GPATCH8: variants seen among roughly 807,000 people sequenced by gnomAD.
GPATCH8 encodes the protein G-patch domain containing 8, also known as G patch domain-containing protein 8.
Under a neutral mutation model 118.3 loss-of-function variants are expected in GPATCH8, and 18 were observed. The observed-to-expected ratio is 0.15, with a 90% CI of 0.11 to 0.23. The LOEUF is 0.23. Ranked by LOEUF, GPATCH8 falls within the 10% of genes least tolerant of loss-of-function variation. The pLI, the probability that GPATCH8 is intolerant of heterozygous loss-of-function variation, is 1.00. For synonymous variants in GPATCH8, 659 were observed against 684.7 expected, an observed-to-expected ratio of 0.96 and a Z score of 0.59; for missense variants, 1,631 against 1,873.8, an observed-to-expected ratio of 0.87 and a Z score of 2.39.
At position 44,450,183 on chromosome 17, in the gene GPATCH8, G is replaced by A. The variant is rs1468295074; in HGVS notation, c.194-13638C>T. The stretch of plus-strand genomic sequence containing the variant: ...TGAGCTCACAAAGTAGTAACTTGCG[G>A]TTCAAATACAGCCTGGTATGTTTTG... On this transcript the variant is annotated intron_variant, in intron 3 of 7. Transcript: ENST00000591680. Among the ~76,000 whole-genome samples, 3 of 152,160 alleles carry A rather than the reference G, an allele frequency of 2.0e-5. No homozygotes were observed. The East Asian group carries it at 5.8e-4, about 29-fold the overall frequency.
rs141916928 is a variant in GPATCH8 at position 44,436,306 on chromosome 17, T to A, written c.261+172A>T. ...AGCAGCTCTGTTTATATTCTATTTG[T>A]CTCAAAAGTAGCACTAAATGAAAAT... On this transcript the variant is annotated intron_variant, in intron 4 of 7. Transcript: ENST00000591680. 1.3e-3 allele frequency among the ~76,000 whole-genome samples: 197 copies of A among 152,248 alleles called. 1 individual carries two copies. The highest frequency in any genetic ancestry group is 4.5e-3 in the African/African-American group (189 of 41,540).
Position 44,399,453 on chromosome 17 carries a change from T to C in GPATCH8, c.2624A>G (p.Asp875Gly). 1 of 1,614,122 alleles carries C rather than the reference T, an allele frequency of 6.2e-7. No individual in the cohort carries two copies. The highest frequency in any genetic ancestry group is 8.5e-7 in the Non-Finnish European group (1 of 1,179,980). ...SSRRSYSSSS[D>G]ASSDQSCYSR... ...ATAGCAGCTCTGGTCTGAAGAGGCA[T>C]CTGAGCTACTTGAGTAAGAACGCCG... Residue 875 changes from aspartate to glycine, a missense_variant, in exon 8 of 8, where the codon GAT becomes GGT. Coordinates refer to ENST00000591680, the MANE Select transcript of GPATCH8 (RefSeq NM_001002909.4).
At chr17:44,422,298 C>T (rs906067083) in intron 6 of GPATCH8, among the ~76,000 whole-genome samples, 7 of 151,878 alleles carry the variant, frequency 4.6e-5, no homozygotes, top group Admixed American at 6.6e-5. Flanking sequence ...TCTAACACCT[C>T]GGCTTCTGGA....
rs1218435780 is a variant in GPATCH8 at position 44,399,572 on chromosome 17, C to T, written c.2505G>A (p.Gln835=). ...SHRLHQKSPS[Q]YSEEEEEEDS... ...CTTCCTCTTCTTCTTCCTCACTGTA[C>T]TGGGATGGAGACTTCTGGTGCAGCC... Residue 835 remains glutamine, a synonymous_variant, in exon 8 of 8, where the codon CAG becomes CAA. Transcript: ENST00000591680. The T allele has an allele frequency of 6.8e-6, 11 of 1,614,046 alleles. No individual in the cohort carries two copies. Among genetic ancestry groups the T allele is most frequent in the African/African-American group, 5.3e-5 (4 of 74,912 alleles).
At chr17:44,440,821 CAGAG>C (rs2050664180) in intron 3 of GPATCH8, among the ~76,000 whole-genome samples, 2 of 152,100 alleles carry the variant, frequency 1.3e-5, no homozygotes, top group South Asian at 4.1e-4. Flanking sequence ...ACTTAAACTA[CAGAG>C]AAAGAACTCT....
chr17:44,457,110 G>A (rs984410008), intron 3 of GPATCH8, among the ~76,000 whole-genome samples: 3 of 152,010 alleles, frequency 2.0e-5, no homozygotes, highest in South Asian at 4.2e-4. Context: ...TGATCTGCCC[G>A]CCTCGGCCTC....
chr17:44,423,043 C>A (rs1039681335), intron 6 of GPATCH8, among the ~76,000 whole-genome samples: 2 of 151,636 alleles, frequency 1.3e-5, no homozygotes, highest in Admixed American at 1.3e-4. Context: ...CCGAGGTGGG[C>A]GGATCACGAG....
intron 3 of GPATCH8, among the ~76,000 whole-genome samples, chr17:44,440,926 C>T (rs1269685985): frequency 6.6e-6 from 1 of 152,218 alleles, no homozygotes; most frequent in East Asian, 1.9e-4. Context: ...TCTCGGCTCA[C>T]TGCAACCTCC....
At chr17:44,459,910 T>C (rs915036988) in intron 3 of GPATCH8, among the ~76,000 whole-genome samples, 6 of 152,316 alleles carry the variant, frequency 3.9e-5, no homozygotes, top group South Asian at 2.1e-4. Context: ...CAGGGTGAGA[T>C]AGGAAATAAT....
Position 44,464,915 on chromosome 17 carries a change from A to G in GPATCH8, c.121-371T>C, listed in dbSNP as rs117538366. 5.7e-3 allele frequency: 1,170 copies of G among 205,138 alleles called. 9 individuals carry two copies. Among genetic ancestry groups the G allele is most frequent in the Non-Finnish European group, 9.2e-3 (918 of 99,786 alleles). The allele number at this position is 205,138 out of a possible 1,614,324, so 12.7% of individuals were successfully genotyped here. A position where few individuals can be genotyped will look rare whatever the true frequency, so the allele number is the denominator to read the frequency against. On this transcript the variant is annotated intron_variant, in intron 2 of 7. Coordinates refer to ENST00000591680, the MANE Select transcript of GPATCH8 (RefSeq NM_001002909.4). ...ACTTATACAGTCATATCCACCACCTAAACAGCACCACTTTAAGATTTTTTT... is the reference window on the plus strand; with the variant it reads ...ACTTATACAGTCATATCCACCACCTGAACAGCACCACTTTAAGATTTTTTT...
intron 3 of GPATCH8, among the ~76,000 whole-genome samples, chr17:44,448,320 G>C (rs1011509959): frequency 1.3e-5 from 2 of 152,008 alleles, no homozygotes; most frequent in African/African-American, 4.8e-5. Flanking sequence ...CACTTTGGGA[G>C]GCTGAGGCAG....
intron 2 of GPATCH8, chr17:44,465,097 A>AATAATAT (rs912233737): frequency 6.7e-6 from 1 of 150,312 alleles, no homozygotes. Flanking sequence ...TTAAAAAAAT[A>AATAATAT]ATATATATAA....
At chr17:44,481,309 G>T (rs1179419808) in intron 1 of GPATCH8, among the ~76,000 whole-genome samples, 6 of 152,134 alleles carry the variant, frequency 3.9e-5, no homozygotes, top group Admixed American at 3.9e-4. Flanking sequence ...TTATTTGTAC[G>T]CTAGAAACTA....
intron 3 of GPATCH8, among the ~76,000 whole-genome samples, chr17:44,442,102 T>C (rs2050714533): frequency 2.2e-5 from 2 of 92,784 alleles, no homozygotes; most frequent in Admixed American, 2.5e-4. Context: ...TATACGTATA[T>C]ATATACATAT....
chr17:44,405,768 T>A (rs142952948), intron 7 of GPATCH8, among the ~76,000 whole-genome samples, 153 bp downstream of exon 7: 3,903 of 152,316 alleles, frequency 0.026, 76 homozygotes, highest in Admixed American at 0.042. Flanking sequence ...TCTCTCAAAG[T>A]GCTGGGATTA....
At position 44,400,837 on chromosome 17, in the gene GPATCH8, T is replaced by C; in HGVS notation, c.1240A>G (p.Met414Val). ...CCATCCATTTGTTCACTGGCTCTCA[T>C]AAAAAGTAGAAAGGGAAAATTAGGT... ...VKPNFPFLLF[M>V]RASEQMDGDN... Residue 414 changes from methionine to valine, a missense_variant, in exon 8 of 8, where the codon ATG (methionine) becomes GTG (valine). Physicochemically the swap from Met to Val is conservative, Grantham distance 21. Coordinates refer to ENST00000591680, the MANE Select transcript of GPATCH8 (RefSeq NM_001002909.4). 6.2e-7 allele frequency: 1 copy of C among 1,614,186 alleles called. No individual in the cohort carries two copies. Among genetic ancestry groups the C allele is most frequent in the Non-Finnish European group, 8.5e-7 (1 of 1,179,994 alleles).
intron 2 of GPATCH8, among the ~76,000 whole-genome samples, chr17:44,469,424 C>G (rs977154335): frequency 1.1e-4 from 16 of 152,238 alleles, no homozygotes; most frequent in South Asian, 8.3e-4. Flanking sequence ...TGCCAAAACA[C>G]AGGAAAAAAT....
chr17:44,417,789 T>G (rs2049742620), intron 6 of GPATCH8, among the ~76,000 whole-genome samples: 1 of 152,096 alleles, frequency 6.6e-6, no homozygotes, highest in Admixed American at 6.6e-5. Context: ...AAAGATGAAG[T>G]GGAGATCACA....
At chr17:44,401,985 CAGAGCGAG>C (rs2049039316) in intron 7 of GPATCH8, among the ~76,000 whole-genome samples, 1 of 146,188 alleles carries the variant, frequency 6.8e-6, no homozygotes, top group East Asian at 2.0e-4. Flanking sequence ...GTCTGGGTGA[CAGAGCGAG>C]ACTCCCTCTC....
Sources: allele counts gnomAD v4.1 joint callset (sites outside exome capture counted in the v4.1 genomes callset), GRCh38; gene constraint gnomAD v4.1.1; transcripts MANE v1.5; gene names NCBI Gene and HGNC (gene_info 2026-07-23, HGNC 2026-07-21).